Variants in KMT5A observed in about 807,000 individuals in gnomAD.
KMT5A encodes the protein lysine methyltransferase 5A, also known as N-lysine methyltransferase KMT5A.
Under a neutral mutation model 40.6 loss-of-function variants are expected in KMT5A, and 6 were observed. The ratio of observed to expected loss-of-function variants is 0.15; its 90% CI spans 0.08 to 0.29. The LOEUF is 0.29. Among genes scored for constraint, KMT5A ranks in the 10% least tolerant of loss-of-function variants. The pLI, the probability that KMT5A is intolerant of heterozygous loss-of-function variation, is 1.00. For synonymous variants in KMT5A, 153 were observed against 178.8 expected, an observed-to-expected ratio of 0.86 and a Z score of 1.15; for missense variants, 308 against 459.1, an observed-to-expected ratio of 0.67 and a Z score of 3.01.
At chr12:123,394,398 C>T (rs1331821124) in intron 3 of KMT5A, among the ~76,000 whole-genome samples, 1 of 152,136 alleles carries the variant, frequency 6.6e-6, no homozygotes, top group Non-Finnish European at 1.5e-5. Context: ...CCACTGTGTC[C>T]AGCCTATTTA....
intron 5 of KMT5A, among the ~76,000 whole-genome samples, chr12:123,402,737 G>C (rs976449974): frequency 6.6e-6 from 1 of 152,176 alleles, no homozygotes; most frequent in East Asian, 1.9e-4. Flanking sequence ...CCAGTTCTCT[G>C]TTCAGGTCTG....
At chr12:123,386,527 T>C (rs959698912) in intron 1 of KMT5A, among the ~76,000 whole-genome samples, 3 of 152,146 alleles carry the variant, frequency 2.0e-5, no homozygotes, top group Non-Finnish European at 4.4e-5. Context: ...ATATTTAGAA[T>C]TGTAAATACC....
intron 2 of KMT5A, chr12:123,390,279 A>G (rs1877199452): frequency 2.5e-6 from 1 of 392,596 alleles, no homozygotes; most frequent in Non-Finnish European, 5.0e-6. Context: ...CTGCCAGGGC[A>G]GTGAACTCCT....
At chr12:123,386,646 A>G (rs1412607290) in intron 1 of KMT5A, among the ~76,000 whole-genome samples, 1 of 152,198 alleles carries the variant, frequency 6.6e-6, no homozygotes, top group Non-Finnish European at 1.5e-5. Context: ...CAAACTGGTC[A>G]GATGCCAGGC....
chr12:123,403,550 T>G, intron 5 of KMT5A, 23 bp from the exon 6 acceptor site: 1 of 1,613,900 alleles, frequency 6.2e-7, no homozygotes, highest in Non-Finnish European at 8.5e-7. Flanking sequence ...ATACTGATGC[T>G]GTTTTTCTTT....
intron 6 of KMT5A, among the ~76,000 whole-genome samples, chr12:123,404,028 G>A (rs879809930): frequency 1.3e-5 from 2 of 151,902 alleles, no homozygotes; most frequent in Admixed American, 6.6e-5. Flanking sequence ...CCCAGCCCCT[G>A]GCAGCCACTC....
intron 4 of KMT5A, among the ~76,000 whole-genome samples, chr12:123,395,476 T>G (rs374079593): frequency 6.6e-6 from 1 of 152,086 alleles, no homozygotes; most frequent in South Asian, 2.1e-4. Flanking sequence ...AGCCTCTCCT[T>G]CCTCCCCTCC....
chr12:123,389,259 C>G (rs1466142546), intron 1 of KMT5A, 174 bp from the exon 2 acceptor site: 17 of 193,886 alleles, frequency 8.8e-5, no homozygotes, highest in Non-Finnish European at 1.2e-4. Context: ...GGGAGGGCGA[C>G]GCGGGCTCCG....
At chr12:123,403,010 G>A (rs953698965) in intron 5 of KMT5A, among the ~76,000 whole-genome samples, 9 of 152,354 alleles carry the variant, frequency 5.9e-5, no homozygotes, top group Middle Eastern at 3.4e-3. Flanking sequence ...CCAGGTTCAA[G>A]CGATTCTCCT....
chr12:123,393,064 G>A (rs1418668574), intron 3 of KMT5A, among the ~76,000 whole-genome samples: 1 of 152,144 alleles, frequency 6.6e-6, no homozygotes, highest in Non-Finnish European at 1.5e-5. Context: ...TTTCAGTAGA[G>A]ATGGGGTTTC....
chr12:123,391,737 A>G (rs961569007), intron 3 of KMT5A, among the ~76,000 whole-genome samples: 2 of 152,204 alleles, frequency 1.3e-5, no homozygotes, highest in Admixed American at 6.5e-5. Flanking sequence ...GCTCTCTTCT[A>G]ATTAAAACTT....
intron 1 of KMT5A, chr12:123,388,657 C>G (rs559438245): frequency 6.6e-6 from 1 of 152,004 alleles, no homozygotes; most frequent in Non-Finnish European, 1.5e-5. Context: ...CACCCGAGGG[C>G]CTGGCCTGGC....
chr12:123,386,906 A>C (rs1454782634), intron 1 of KMT5A, among the ~76,000 whole-genome samples: 1 of 152,042 alleles, frequency 6.6e-6, no homozygotes, highest in East Asian at 1.9e-4. Context: ...CCCAGGATAG[A>C]GTGCAGTGGC....
chr12:123,390,602 C>A, intron 2 of KMT5A, 28 bp from the exon 3 acceptor site: 1 of 1,610,794 alleles, frequency 6.2e-7, no homozygotes, highest in Non-Finnish European at 8.5e-7. Context: ...CTTCAAGCCT[C>A]TTTCAGAATA....
At chr12:123,394,525 G>A (rs570413545) in intron 3 of KMT5A, among the ~76,000 whole-genome samples, 1 of 152,206 alleles carries the variant, frequency 6.6e-6, no homozygotes, top group Admixed American at 6.5e-5. Context: ...ACCCAGGCCA[G>A]TCTGCTGGGG....
At position 123,389,572 on chromosome 12, in the gene KMT5A, C is replaced by G. The variant is rs1877119665; in HGVS notation, c.132+18C>G. The G allele has an allele frequency of 9.3e-7, 1 of 1,079,112 alleles. No homozygotes were observed. Among genetic ancestry groups the G allele is most frequent in the Non-Finnish European group, 1.1e-6 (1 of 891,286 alleles). The allele number at this position is 1,079,112 out of a possible 1,614,324, so 66.8% of individuals were successfully genotyped here. A position where few individuals can be genotyped will look rare whatever the true frequency, so the allele number is the denominator to read the frequency against. ...CCGACGGGGTAAGCAGGCACCCTCC[C>G]CGCACCCCTGCGGCGCGCCCGCCGG... On this transcript the variant is annotated intron_variant, in intron 2 of 7. Coordinates refer to ENST00000402868, the MANE Select transcript of KMT5A (RefSeq NM_020382.7).
chr12:123,396,337 T>C lies in KMT5A; in HGVS notation c.510-8T>C, dbSNP rs746984143. 1.9e-6 allele frequency: 3 copies of C among 1,612,266 alleles called. No individual in the cohort carries two copies. The highest frequency in any genetic ancestry group is 2.5e-6 in the Non-Finnish European group (3 of 1,179,716). On this transcript the variant is annotated splice_region_variant and splice_polypyrimidine_tract_variant and intron_variant, in intron 4 of 7. Transcript: ENST00000402868. ...ATATTTATTTTCTCCTCTTCCCCTC[T>C]TACCCAGAGCTCAAGGAAAAACGCA...
chr12:123,384,235 A>G lies in KMT5A; in HGVS notation c.10+27A>G, dbSNP rs1363887649. Reference sequence around the variant, plus strand: ...TATTTGCCCAAGTGGCCGGCACCGGAGCGGCTGGGTCGGGGGTCGTGCTGG... The same window carrying G: ...TATTTGCCCAAGTGGCCGGCACCGGGGCGGCTGGGTCGGGGGTCGTGCTGG... On this transcript the variant is annotated intron_variant, in intron 1 of 7. Coordinates refer to ENST00000402868, the MANE Select transcript of KMT5A (RefSeq NM_020382.7). The surrounding 1 kb of genome is among the most constrained non-coding windows in gnomAD (Gnocchi z 5.7). The G allele has an allele frequency of 6.2e-7, 1 of 1,611,766 alleles. No homozygotes were observed. Among genetic ancestry groups the G allele is most frequent in the South Asian group, 1.1e-5 (1 of 90,904 alleles).
At position 123,384,253 on chromosome 12, in the gene KMT5A, C is replaced by A. The variant is rs375784702; in HGVS notation, c.10+45C>A. The A allele has an allele frequency of 3.4e-5, 54 of 1,608,454 alleles. No individual in the cohort carries two copies. The Middle Eastern group carries it at 5.1e-4, about 15-fold the overall frequency. ...GCACCGGAGCGGCTGGGTCGGGGGT[C>A]GTGCTGGAGGGGTTGCCGGGGTGGA... On this transcript the variant is annotated intron_variant, in intron 1 of 7. Transcript: ENST00000402868. This position sits in a 1 kb window ranked among gnomAD's most constrained non-coding sequence, Gnocchi z 5.7.
Sources: gnomAD v4.1 joint callset for allele counts (sites outside exome capture counted in the v4.1 genomes callset) on GRCh38, gnomAD v4.1.1 for gene constraint, Gnocchi (gnomAD v3.1) non-coding constraint, MANE v1.5 for transcripts, NCBI Gene and HGNC (gene_info 2026-07-23, HGNC 2026-07-21) for gene names.